Variants in SUSD1 observed in about 807,000 individuals in gnomAD.
The protein encoded by SUSD1 is sushi domain containing 1.
Under a neutral mutation model 86.9 loss-of-function variants are expected in SUSD1, and 65 were observed. That is an observed-to-expected ratio of 0.75 (90% CI 0.61 to 0.92). SUSD1 has a LOEUF of 0.92. SUSD1 is among the 40% of genes least tolerant of loss of function. The pLI, the probability that SUSD1 is intolerant of heterozygous loss-of-function variation, is 0.00. For missense variants in SUSD1, 850 were observed against 929.7 expected, an observed-to-expected ratio of 0.91 and a Z score of 1.11; for synonymous variants, 346 against 350.0, an observed-to-expected ratio of 0.99 and a Z score of 0.13.
intron 5 of SUSD1, among the ~76,000 whole-genome samples, chr9:112,136,000 A>T (rs1398659490): frequency 6.6e-6 from 1 of 152,162 alleles, no homozygotes; most frequent in Non-Finnish European, 1.5e-5. Flanking sequence ...CATCGTCCCC[A>T]CTATTGGCAG....
chr9:112,075,764 T>A (rs528545210), intron 12 of SUSD1, among the ~76,000 whole-genome samples: 3 of 152,226 alleles, frequency 2.0e-5, no homozygotes, highest in African/African-American at 7.2e-5. Context: ...ATAATTAATA[T>A]TTTTTATTAA....
At chr9:112,147,574 T>C (rs1461420394) in intron 3 of SUSD1, among the ~76,000 whole-genome samples, 2 of 149,052 alleles carry the variant, frequency 1.3e-5, no homozygotes, top group Non-Finnish European at 3.0e-5. Flanking sequence ...ATCAAGACCA[T>C]CCTGGCCAAC....
chr9:112,056,822 AT>A (rs1828472469), intron 14 of SUSD1, among the ~76,000 whole-genome samples: 1 of 151,846 alleles, frequency 6.6e-6, no homozygotes, highest in South Asian at 2.1e-4. Context: ...GGCTCAAGAA[AT>A]CTCCTGCCTC....
Position 112,175,120 on chromosome 9 carries a change from A to G in SUSD1, c.103+13T>C, listed in dbSNP as rs1834220875. The G allele has an allele frequency of 3.9e-6, 4 of 1,031,956 alleles. No individual in the cohort carries two copies. The highest frequency in any genetic ancestry group is 4.6e-6 in the Non-Finnish European group (4 of 863,056). 63.9% of individuals were successfully genotyped at this position (1,031,956 alleles called of 1,614,324 possible). A position where few individuals can be genotyped will look rare whatever the true frequency, so the allele number is the denominator to read the frequency against. ...CCCGCCGGCCGCCCGTGCCCGTCCC[A>G]GCCCGCACTCACCGTCGGGGCCCGG... On this transcript the variant is annotated intron_variant, in intron 1 of 16. Coordinates refer to ENST00000374270, the MANE Select transcript of SUSD1 (RefSeq NM_022486.5). This position sits in a 1 kb window ranked among gnomAD's most constrained non-coding sequence, Gnocchi z 4.7.
At chr9:112,063,168 A>G (rs1264745601) in intron 12 of SUSD1, 135 bp from the exon 13 acceptor site, 2 of 499,660 alleles carry the variant, frequency 4.0e-6, no homozygotes, top group Non-Finnish European at 7.2e-6. Context: ...TACATGCCAC[A>G]ATGTGGAAGA....
In SUSD1 at chr9:112,143,345, G is replaced by A. The variant is rs1832665872; in HGVS notation, c.526+126C>T. On this transcript the variant is annotated intron_variant, in intron 4 of 16. Coordinates refer to ENST00000374270, the MANE Select transcript of SUSD1 (RefSeq NM_022486.5). ...TGTTGTTATTTGCTTTATGTCATAG[G>A]TTGTACAAAATGTGCAAAGGATCAG... 4.1e-6 allele frequency: 4 copies of A among 972,232 alleles called. No homozygotes were observed. The East Asian group carries it at 1.0e-4, about 24-fold the overall frequency. The allele number at this position is 972,232 out of a possible 1,614,324, so 60.2% of individuals were successfully genotyped here.
chr9:112,174,656 T>C (rs1371756357), intron 1 of SUSD1, among the ~76,000 whole-genome samples: 1 of 152,170 alleles, frequency 6.6e-6, no homozygotes, highest in Non-Finnish European at 1.5e-5. Flanking sequence ...TCACCATATT[T>C]AGCATCCGGC....
intron 6 of SUSD1, among the ~76,000 whole-genome samples, chr9:112,117,315 G>T (rs1831368964): frequency 6.6e-6 from 1 of 152,150 alleles, no homozygotes; most frequent in Non-Finnish European, 1.5e-5. Flanking sequence ...AGTGCCCACG[G>T]CATCAGGATT....
intron 15 of SUSD1, among the ~76,000 whole-genome samples, chr9:112,042,346 T>G (rs1202390801): frequency 6.6e-6 from 1 of 152,154 alleles, no homozygotes; most frequent in African/African-American, 2.4e-5. Flanking sequence ...GTCATTATGA[T>G]ATTATTTGAA....
Position 112,098,547 on chromosome 9 carries a change from T to A in SUSD1, c.1397A>T (p.Asp466Val). 6.2e-7 allele frequency: 1 copy of A among 1,614,218 alleles called. No individual in the cohort carries two copies. Among genetic ancestry groups the A allele is most frequent in the Non-Finnish European group, 8.5e-7 (1 of 1,180,026 alleles). ...VVCLDLYPTT[D>V]YTVNVTLLRS... ...CAGCAGGGTCACATTCACCGTATAATCAGTCGTAGGGTACAGATCCAAACA... is the reference window on the plus strand; with the variant it reads ...CAGCAGGGTCACATTCACCGTATAAACAGTCGTAGGGTACAGATCCAAACA... Residue 466 changes from aspartate to valine, a missense_variant, in exon 10 of 17, where the codon GAT becomes GTT. Coordinates refer to ENST00000374270, the MANE Select transcript of SUSD1 (RefSeq NM_022486.5).
chr9:112,165,881 AAGAAAAAG>A (rs1343289049), intron 1 of SUSD1, among the ~76,000 whole-genome samples: 3 of 129,886 alleles, frequency 2.3e-5, no homozygotes, highest in African/African-American at 9.5e-5. Context: ...AAGAAAGAGA[AAGAAAAAG>A]AAAGAAAGAA....
intron 5 of SUSD1, among the ~76,000 whole-genome samples, chr9:112,140,964 G>C (rs1832537422): frequency 6.6e-6 from 1 of 152,092 alleles, no homozygotes; most frequent in Non-Finnish European, 1.5e-5. Context: ...ATATAGAAAT[G>C]ATACAGTAAA....
At chr9:112,043,619 T>G (rs2118825634) in intron 15 of SUSD1, among the ~76,000 whole-genome samples, 1 of 152,260 alleles carries the variant, frequency 6.6e-6, no homozygotes, top group Non-Finnish European at 1.5e-5. Flanking sequence ...TCTTGATAAA[T>G]CAGCTCTGTC....
intron 12 of SUSD1, among the ~76,000 whole-genome samples, chr9:112,074,077 G>GT (rs1829407645): frequency 6.6e-6 from 1 of 152,026 alleles, no homozygotes; most frequent in Non-Finnish European, 1.5e-5. Context: ...TTAGCCAAGC[G>GT]TGGTGGCACA....
At chr9:112,067,208 TA>T (rs1329967183) in intron 12 of SUSD1, among the ~76,000 whole-genome samples, 1 of 152,148 alleles carries the variant, frequency 6.6e-6, no homozygotes, top group Admixed American at 6.5e-5. Context: ...TTCTTCTTCT[TA>T]GATTGTAGCT....
intron 10 of SUSD1, among the ~76,000 whole-genome samples, chr9:112,089,805 C>T (rs557094252): frequency 1.9e-5 from 2 of 104,668 alleles, no homozygotes; most frequent in East Asian, 2.7e-4. Flanking sequence ...GAGCAAGATT[C>T]CATCTCAAAA....
intron 6 of SUSD1, among the ~76,000 whole-genome samples, chr9:112,121,571 C>G (rs1271781808): frequency 6.6e-6 from 1 of 152,188 alleles, no homozygotes; most frequent in Non-Finnish European, 1.5e-5. Flanking sequence ...ATTCCCATCC[C>G]CAACATCGTT....
At chr9:112,166,611 G>A (rs1833837003) in intron 1 of SUSD1, among the ~76,000 whole-genome samples, 1 of 152,146 alleles carries the variant, frequency 6.6e-6, no homozygotes, top group Non-Finnish European at 1.5e-5. Context: ...CACAGCTGTG[G>A]GACAAATGTA....
intron 9 of SUSD1, among the ~76,000 whole-genome samples, chr9:112,100,246 G>A (rs1331972122): frequency 6.6e-6 from 1 of 152,112 alleles, no homozygotes; most frequent in Non-Finnish European, 1.5e-5. Context: ...GAGTACAGTG[G>A]TGCGATCTTG....
Sources: gnomAD v4.1 joint callset for allele counts (sites outside exome capture counted in the v4.1 genomes callset) on GRCh38, gnomAD v4.1.1 for gene constraint, Gnocchi (gnomAD v3.1) non-coding constraint, MANE v1.5 for transcripts, NCBI Gene and HGNC (gene_info 2026-07-23, HGNC 2026-07-21) for gene names.